MTA3: variants seen among roughly 807,000 people sequenced by gnomAD.
MTA3 encodes metastasis-associated protein MTA3.
Under a neutral mutation model 83.5 loss-of-function variants are expected in MTA3, and 34 were observed. That is an observed-to-expected ratio of 0.41 (90% CI 0.31 to 0.54). MTA3 has a LOEUF of 0.54. MTA3 is among the 20% of genes least tolerant of loss of function. The pLI is 0.33. For synonymous variants in MTA3, 303 were observed against 252.7 expected (o/e 1.20, Z -1.89); for missense variants, 761 against 726.4 (o/e 1.05, Z -0.55).
chr2:42,574,312 A>G (rs1678808883), intron 2 of MTA3, among the ~76,000 whole-genome samples: 1 of 150,396 alleles, frequency 6.6e-6, no homozygotes, highest in South Asian at 2.1e-4. Flanking sequence ...TTTTTAGCAG[A>G]GATGGGGTTT....
intron 2 of MTA3, among the ~76,000 whole-genome samples, chr2:42,549,363 G>A (rs1469249182): frequency 6.8e-5 from 7 of 103,046 alleles, no homozygotes; most frequent in African/African-American, 1.5e-4. Context: ...ACATATATAC[G>A]TATATACGTA....
intron 8 of MTA3, 101 bp from the exon 9 acceptor site, chr2:42,682,300 T>C (rs998597168): frequency 1.8e-4 from 144 of 787,776 alleles, no homozygotes; most frequent in Non-Finnish European, 2.6e-4. Context: ...AATAAGTATA[T>C]TGTTAATTAA....
chr2:42,505,124 T>C (rs1173109025), intron 2 of MTA3, among the ~76,000 whole-genome samples: 3 of 152,118 alleles, frequency 2.0e-5, no homozygotes, highest in Non-Finnish European at 4.4e-5. Flanking sequence ...TGGGACGTGG[T>C]GACTCATGAC....
At chr2:42,622,231 C>A (rs572563924) in intron 4 of MTA3, among the ~76,000 whole-genome samples, 2 of 152,266 alleles carry the variant, frequency 1.3e-5, no homozygotes, top group East Asian at 3.9e-4. Context: ...AGCGAAACCC[C>A]GTCTCCACCA....
chr2:42,538,920 G>A (rs1249637619), intron 2 of MTA3, among the ~76,000 whole-genome samples: 1 of 148,960 alleles, frequency 6.7e-6, no homozygotes, highest in African/African-American at 2.5e-5. Context: ...GACTACAGGC[G>A]CCCGCCACCG....
At chr2:42,538,733 GAAAAGAAAAGA>G (rs1676375811) in intron 2 of MTA3, among the ~76,000 whole-genome samples, 1 of 140,014 alleles carries the variant, frequency 7.1e-6, no homozygotes, top group African/African-American at 2.6e-5. Flanking sequence ...AAAAGAAAAA[GAAAAGAAAAGA>G]AAAAGAAAAA....
intron 3 of MTA3, among the ~76,000 whole-genome samples, chr2:42,590,318 C>G (rs2103931990): frequency 6.6e-6 from 1 of 152,180 alleles, no homozygotes; most frequent in South Asian, 2.1e-4. Context: ...GTAGACGTGA[C>G]TTCTCACTTT....
At chr2:42,557,375 G>A (rs1250962326) in intron 2 of MTA3, among the ~76,000 whole-genome samples, 2 of 151,932 alleles carry the variant, frequency 1.3e-5, no homozygotes, top group East Asian at 3.9e-4. Flanking sequence ...GGGGTAGGGT[G>A]GGGGAGTCAG....
chr2:42,611,082 C>T (rs1226573253), intron 4 of MTA3, among the ~76,000 whole-genome samples: 3 of 150,818 alleles, frequency 2.0e-5, no homozygotes, highest in South Asian at 4.2e-4. Flanking sequence ...CCCGGGTTCA[C>T]GCAGTTCTCC....
chr2:42,563,831 C>CCTTCCTTCCTTCCTTT (rs1468990559), upstream of MTA3, among the ~76,000 whole-genome samples: 1 of 134,542 alleles, frequency 7.4e-6, no homozygotes, highest in Non-Finnish European at 1.6e-5. Flanking sequence ...TTCCTTCCTT[C>CCTTCCTTCCTTCCTTT]CTTTCTTTTT....
At chr2:42,623,828 C>G (rs1287790924) in intron 4 of MTA3, among the ~76,000 whole-genome samples, 1 of 151,706 alleles carries the variant, frequency 6.6e-6, no homozygotes, top group African/African-American at 2.4e-5. Context: ...GTACCTGGGA[C>G]TACAGGTGTG....
In MTA3 at chr2:42,755,194, C is replaced by T. The variant is rs187469630; in HGVS notation, c.*1795C>T. ...ACACAGGAAAGCTGTCTGTCTGTACCCTGCTCTGGATTTATTGTCGTACTT... is the reference window on the plus strand; with the variant it reads ...ACACAGGAAAGCTGTCTGTCTGTACTCTGCTCTGGATTTATTGTCGTACTT... On this transcript the variant is annotated 3_prime_UTR_variant, in exon 17 of 17. Coordinates refer to ENST00000405094, the MANE Select transcript of MTA3 (RefSeq NM_001330442.2). 15 of 985,510 alleles carry T rather than the reference C, an allele frequency of 1.5e-5. No homozygotes were observed. Among genetic ancestry groups the T allele is most frequent in the African/African-American group, 1.7e-5 (1 of 57,366 alleles). The allele number at this position is 985,510 out of a possible 1,614,324, so 61.0% of individuals were successfully genotyped here. A position where few individuals can be genotyped will look rare whatever the true frequency, so the allele number is the denominator to read the frequency against.
chr2:42,679,127 A>G (rs981828625), intron 8 of MTA3, among the ~76,000 whole-genome samples: 3 of 152,114 alleles, frequency 2.0e-5, no homozygotes, highest in African/African-American at 7.2e-5. Flanking sequence ...TCAGCACCCA[A>G]CTTCCCCTCA....
At chr2:42,500,301 A>G (rs1249456068) in intron 2 of MTA3, among the ~76,000 whole-genome samples, 1 of 152,056 alleles carries the variant, frequency 6.6e-6, no homozygotes, top group African/African-American at 2.4e-5. Context: ...CGGGAGGCTA[A>G]GGCGGGAGAA....
At chr2:42,719,941 A>T (rs1007928023) in intron 15 of MTA3, among the ~76,000 whole-genome samples, 1 of 152,186 alleles carries the variant, frequency 6.6e-6, no homozygotes, top group African/African-American at 2.4e-5. Flanking sequence ...TGCTTCTCAT[A>T]GTTCTTTTTC....
chr2:42,600,496 T>C lies in MTA3; in HGVS notation c.191-8962T>C, dbSNP rs529112236. On this transcript the variant is annotated intron_variant, in intron 3 of 16. Transcript: ENST00000405094. The stretch of plus-strand genomic sequence containing the variant: ...AGTATATATGGCCCATGTTTCTTTT[T>C]ATTAATTTTTTTTTTTTTTGCATCC... Among the ~76,000 whole-genome samples, 291 of 95,212 alleles carry C rather than the reference T, an allele frequency of 3.1e-3. 1 individual carries two copies. Among genetic ancestry groups the C allele is most frequent in the African/African-American group, 0.014 (279 of 19,838 alleles). 62.5% of individuals were successfully genotyped at this position (95,212 alleles called of 152,430 possible). A position where few individuals can be genotyped will look rare whatever the true frequency, so the allele number is the denominator to read the frequency against.
chr2:42,553,030 A>C (rs1052101705), intron 2 of MTA3, among the ~76,000 whole-genome samples: 2 of 152,028 alleles, frequency 1.3e-5, no homozygotes, highest in Non-Finnish European at 2.9e-5. Context: ...TAATCCCAGC[A>C]CTTTGGAAGG....
intron 14 of MTA3, among the ~76,000 whole-genome samples, chr2:42,716,756 A>T (rs187718517): frequency 6.6e-6 from 1 of 152,128 alleles, no homozygotes; most frequent in South Asian, 2.1e-4. Flanking sequence ...GGTTGATTCC[A>T]TGTCTTTACT....
At chr2:42,559,517 A>T (rs1677561476) in intron 2 of MTA3, among the ~76,000 whole-genome samples, 1 of 151,448 alleles carries the variant, frequency 6.6e-6, no homozygotes, top group Non-Finnish European at 1.5e-5. Context: ...AAAAAAAAAA[A>T]AATTTTGTTT....
Sources: allele counts gnomAD v4.1 joint callset (sites outside exome capture counted in the v4.1 genomes callset), GRCh38; gene constraint gnomAD v4.1.1; transcripts MANE v1.5; gene names NCBI Gene and HGNC (gene_info 2026-07-23, HGNC 2026-07-21).